TFG: variants seen among roughly 807,000 people sequenced by gnomAD.
TFG encodes protein TFG.
In TFG, 22 loss-of-function variants were observed where a neutral mutation model predicts 51.4. The observed-to-expected ratio is 0.43, with a 90% CI of 0.31 to 0.61. The LOEUF is 0.61. TFG is among the 20% of genes least tolerant of loss of function. The pLI is 0.12. For missense variants in TFG, 419 were observed against 487.7 expected (o/e 0.86, Z 1.33); for synonymous variants, 187 against 165.6 (o/e 1.13, Z -0.99).
rs144643993 is a variant in TFG, at chr3:100,731,800, G to A, written c.416-708G>A. On this transcript the variant is annotated intron_variant, in intron 4 of 7. Coordinates refer to ENST00000240851, the MANE Select transcript of TFG (RefSeq NM_006070.6). ...TGACCTCAAGTGATCTACCCACCTC[G>A]GCCTCTCAAAGTGCTGGAATTACAG... Among the ~76,000 whole-genome samples, 629 of 151,992 alleles carry A rather than the reference G, an allele frequency of 4.1e-3. 5 individuals carry two copies. Among genetic ancestry groups the A allele is most frequent in the African/African-American group, 0.015 (602 of 41,460 alleles).
At chr3:100,717,120 A>T (rs952349208) in intron 2 of TFG, among the ~76,000 whole-genome samples, 3 of 152,170 alleles carry the variant, frequency 2.0e-5, no homozygotes, top group Non-Finnish European at 4.4e-5. Context: ...CGACCTATTA[A>T]AGAGGTTATC....
chr3:100,737,695 A>G (rs1455469643), intron 6 of TFG, among the ~76,000 whole-genome samples: 1 of 152,196 alleles, frequency 6.6e-6, no homozygotes, highest in South Asian at 2.1e-4. Flanking sequence ...AAAACAAAAC[A>G]TAGGCTAAAA....
intron 7 of TFG, among the ~76,000 whole-genome samples, chr3:100,746,432 C>T (rs1055213): frequency 0.13 from 19,634 of 152,040 alleles, 1,684 homozygotes; most frequent in South Asian, 0.27. Flanking sequence ...TCAGTATTTC[C>T]CTGTATCATT....
intron 5 of TFG, 66 bp from the exon 6 acceptor site, chr3:100,736,510 T>C (rs927492197): frequency 4.5e-6 from 7 of 1,567,704 alleles, no homozygotes; most frequent in South Asian, 2.3e-5. Context: ...ACCAAACTTA[T>C]TCCTTGAGCT....
At chr3:100,713,573 C>G (rs536255800) in intron 1 of TFG, 70 bp from the exon 2 acceptor site, 41 of 629,964 alleles carry the variant, frequency 6.5e-5, no homozygotes, top group Middle Eastern at 6.6e-4. Flanking sequence ...TTCTTAGCAT[C>G]TAATAGTAGC....
At chr3:100,731,231 A>C (rs1006662936) in intron 4 of TFG, among the ~76,000 whole-genome samples, 1 of 152,200 alleles carries the variant, frequency 6.6e-6, no homozygotes. Flanking sequence ...AATGGTTAGC[A>C]ACAGTCTTTT....
Position 100,748,677 on chromosome 3 carries a change from A to ATAAT in TFG, c.*148_*151dup, listed in dbSNP as rs1366261457. Reference sequence around the variant, plus strand: ...ATCATTGTTGGTGTTAATTGAAAGTATAATTTGCTGGAACACAAAGACCAA... The same window carrying ATAAT: ...ATCATTGTTGGTGTTAATTGAAAGTATAATTAATTTGCTGGAACACAAAGACCAA... On this transcript the variant is annotated 3_prime_UTR_variant, in exon 8 of 8. Transcript: ENST00000240851. The ATAAT allele has an allele frequency of 4.1e-6, 4 of 977,174 alleles. No homozygotes were observed. The South Asian group carries it at 6.6e-5, about 16-fold the overall frequency. 60.5% of individuals were successfully genotyped at this position (977,174 alleles called of 1,614,324 possible).
chr3:100,723,052 G>T (rs1408464983), intron 3 of TFG, among the ~76,000 whole-genome samples: 1 of 152,188 alleles, frequency 6.6e-6, no homozygotes, highest in Non-Finnish European at 1.5e-5. Flanking sequence ...GGATTGGGAA[G>T]CACCAATGAA....
At position 100,713,783 on chromosome 3, in the gene TFG, A is replaced by T. The variant is rs763523148; in HGVS notation, c.98A>T (p.Tyr33Phe). The T allele has an allele frequency of 8.1e-6, 13 of 1,610,344 alleles. No homozygotes were observed. In the East Asian group the frequency reaches 2.5e-4, roughly 30 times the overall value. ...RIPIHNEDIT[Y>F]DELVLMMQRV... The stretch of plus-strand genomic sequence containing the variant: ...CCTATTCATAATGAAGATATTACTT[A>T]TGATGAATTAGTGCTAATGATGCAA... The change falls in exon 2 of 8, where the codon TAT becomes TTT. Residue 33 changes from tyrosine (Y) to phenylalanine (F), a missense_variant. Transcript: ENST00000240851.
At position 100,748,510 on chromosome 3, in the gene TFG, A is replaced by G. The variant is rs1217848342; in HGVS notation, c.1182A>G (p.Gln394=). Residue 394 remains glutamine (Q), a synonymous_variant, in exon 8 of 8, where the codon CAA becomes CAG. Transcript: ENST00000240851. ...NRPPFGQGYT[Q]PGPGYR is the part of the protein sequence containing the mutation. ...CTCCCTTTGGTCAGGGCTATACCCA[A>G]CCTGGACCTGGTTATCGATAAGGAG... The G allele has an allele frequency of 1.2e-5, 19 of 1,611,804 alleles. No individual in the cohort carries two copies. Among genetic ancestry groups the G allele is most frequent in the Non-Finnish European group, 1.4e-5 (16 of 1,178,382 alleles).
At chr3:100,742,293 A>G (rs901384776) in intron 6 of TFG, among the ~76,000 whole-genome samples, 5 of 152,206 alleles carry the variant, frequency 3.3e-5, no homozygotes, top group Admixed American at 6.5e-5. Context: ...CAGTTCTACC[A>G]TAGGCTAATT....
chr3:100,711,799 A>C (rs1406000220), intron 1 of TFG, among the ~76,000 whole-genome samples: 1 of 152,168 alleles, frequency 6.6e-6, no homozygotes, highest in East Asian at 1.9e-4. Context: ...TTAGGCTGCC[A>C]GAGCAAGCAA....
At chr3:100,711,485 A>G (rs2095031250) in intron 1 of TFG, among the ~76,000 whole-genome samples, 1 of 152,148 alleles carries the variant, frequency 6.6e-6, no homozygotes, top group Non-Finnish European at 1.5e-5. Flanking sequence ...CAAAGCTGGA[A>G]TTTTTTTCTT....
At chr3:100,729,037 A>G (rs1026562240) in intron 4 of TFG, among the ~76,000 whole-genome samples, 179 bp downstream of exon 4, 2 of 152,178 alleles carry the variant, frequency 1.3e-5, no homozygotes, top group African/African-American at 4.8e-5. Flanking sequence ...CAGAATTACT[A>G]GGAGGTTTCA....
intron 6 of TFG, among the ~76,000 whole-genome samples, chr3:100,738,368 A>G: frequency 6.6e-6 from 1 of 152,232 alleles, no homozygotes; most frequent in East Asian, 1.9e-4. Flanking sequence ...TTGTTTTTAA[A>G]TAAATCCCAT....
intron 2 of TFG, among the ~76,000 whole-genome samples, chr3:100,717,515 ATTTG>A (rs2095049420): frequency 6.7e-6 from 1 of 149,824 alleles, no homozygotes; most frequent in South Asian, 2.1e-4. Flanking sequence ...TTTTAACAAT[ATTTG>A]TTCTTATATA....
chr3:100,718,445 CAACACA>C (rs2095052141), intron 2 of TFG, among the ~76,000 whole-genome samples: 1 of 151,666 alleles, frequency 6.6e-6, no homozygotes, highest in Admixed American at 6.6e-5. Context: ...AGACCTATAA[CAACACA>C]GGGATTTTGT....
chr3:100,725,502 G>T (rs2095072624), intron 3 of TFG, among the ~76,000 whole-genome samples: 1 of 151,550 alleles, frequency 6.6e-6, no homozygotes, highest in Non-Finnish European at 1.5e-5. Context: ...GATTTGGCCA[G>T]GTGCGGTGGC....
At position 100,748,468 on chromosome 3, in the gene TFG, T is replaced by C. The variant is rs746044234; in HGVS notation, c.1140T>C (p.Pro380=). 11 of 1,614,092 alleles carry C rather than the reference T, an allele frequency of 6.8e-6. 1 individual carries two copies. The South Asian group carries it at 1.2e-4, about 18-fold the overall frequency. Residue 380 remains proline, a synonymous_variant, in exon 8 of 8, where the codon CCT becomes CCC. Transcript: ENST00000240851. Reference sequence around the variant, plus strand: ...CCCCTCCTCCAAGTGGGCCTAATCCTTATGCGCGTAACCGTCCTCCCTTTG... The same window carrying C: ...CCCCTCCTCCAAGTGGGCCTAATCCCTATGCGCGTAACCGTCCTCCCTTTG... ...TMTPPPSGPN[P]YARNRPPFGQ...
Sources: gnomAD v4.1 joint callset for allele counts (sites outside exome capture counted in the v4.1 genomes callset) on GRCh38, gnomAD v4.1.1 for gene constraint, MANE v1.5 for transcripts, NCBI Gene and HGNC (gene_info 2026-07-23, HGNC 2026-07-21) for gene names.